CMIP: variants seen among roughly 807,000 people sequenced by gnomAD.
CMIP encodes c-Maf inducing protein.
A neutral mutation model predicts 97.3 loss-of-function variants in CMIP; 13 were observed. The ratio of observed to expected loss-of-function variants is 0.13; its 90% CI spans 0.09 to 0.21. CMIP has a LOEUF of 0.21. Ranked by LOEUF, CMIP falls within the 10% of genes least tolerant of loss-of-function variation. CMIP has a pLI of 1.00. For missense variants in CMIP, 847 were observed against 1,024.9 expected (o/e 0.83, Z 2.37); for synonymous variants, 538 against 436.3 (o/e 1.23, Z -2.91).
chr16:81,535,930 C>G (rs559371918), intron 1 of CMIP, among the ~76,000 whole-genome samples: 1 of 152,274 alleles, frequency 6.6e-6, no homozygotes, highest in African/African-American at 2.4e-5. Flanking sequence ...GACTTCAAGG[C>G]GAGAGCATCT....
At chr16:81,675,864 C>T (rs1235759200) in intron 9 of CMIP, among the ~76,000 whole-genome samples, 4 of 152,140 alleles carry the variant, frequency 2.6e-5, no homozygotes, top group South Asian at 4.1e-4. Flanking sequence ...AGGTCTGGGG[C>T]GGGGCCTGAG....
chr16:81,592,426 G>A (rs78712899), intron 1 of CMIP, among the ~76,000 whole-genome samples: 2,358 of 152,266 alleles, frequency 0.015, 54 homozygotes, highest in African/African-American at 0.054. Flanking sequence ...CTTGACAGCC[G>A]GCTCAAAGGC....
intron 3 of CMIP, chr16:81,631,011 C>T (rs2092150657): frequency 6.6e-6 from 1 of 152,374 alleles, no homozygotes; most frequent in South Asian, 2.1e-4. Context: ...TCCAGCATCT[C>T]CCAGCCACAG....
chr16:81,660,097 C>G (rs775570260), intron 5 of CMIP, among the ~76,000 whole-genome samples: 4 of 151,976 alleles, frequency 2.6e-5, no homozygotes, highest in Admixed American at 6.6e-5. Context: ...ACCAGGAGTC[C>G]AAACCCCAGC....
chr16:81,593,853 GCA>G (rs1433203869), intron 1 of CMIP, among the ~76,000 whole-genome samples: 2 of 152,136 alleles, frequency 1.3e-5, no homozygotes, highest in African/African-American at 2.4e-5. Context: ...CCTGTGCTGA[GCA>G]CGCCACATGC....
chr16:81,577,628 A>G (rs971954821), intron 1 of CMIP, among the ~76,000 whole-genome samples: 1 of 150,330 alleles, frequency 6.7e-6, no homozygotes, highest in African/African-American at 2.5e-5. Flanking sequence ...CACTATCACC[A>G]TCACCACCAT....
intron 1 of CMIP, among the ~76,000 whole-genome samples, chr16:81,559,316 G>A (rs2150869661): frequency 6.6e-6 from 1 of 152,334 alleles, no homozygotes; most frequent in African/African-American, 2.4e-5. Flanking sequence ...AGCATCAGTG[G>A]TCACTTATTT....
chr16:81,674,534 G>C (rs1370952522), intron 9 of CMIP, among the ~76,000 whole-genome samples: 1 of 152,206 alleles, frequency 6.6e-6, no homozygotes, highest in East Asian at 1.9e-4. Context: ...TTGATAGCTT[G>C]AAGTAGCTGT....
chr16:81,566,072 C>T (rs759041126), intron 1 of CMIP, among the ~76,000 whole-genome samples: 7 of 152,210 alleles, frequency 4.6e-5, no homozygotes, highest in East Asian at 1.9e-4. Flanking sequence ...ACCTGGGAGA[C>T]GTTGACTGTC....
At chr16:81,589,783 T>C (rs2091439215) in intron 1 of CMIP, among the ~76,000 whole-genome samples, 1 of 152,262 alleles carries the variant, frequency 6.6e-6, no homozygotes, top group Non-Finnish European at 1.5e-5. Context: ...TAGCCTTCTC[T>C]CTGTCCCTTC....
rs561329930 is a variant in CMIP at position 81,614,936 on chromosome 16, G to T, written c.427-5940G>T. Among the ~76,000 whole-genome samples the T allele has an allele frequency of 6.6e-6, 1 of 151,578 alleles. No individual in the cohort carries two copies. The highest frequency in any genetic ancestry group is 1.9e-4 in the East Asian group (1 of 5,152). ...TGGTGTGCATAGTGTGTATCTCTGT[G>T]TGTGGTGTGTGCATGTGTGTGGTGT... On this transcript the variant is annotated intron_variant, in intron 2 of 20. Coordinates refer to ENST00000537098, the MANE Select transcript of CMIP (RefSeq NM_198390.3). The surrounding 1 kb of genome is among the most constrained non-coding windows in gnomAD (Gnocchi z 5.3).
intron 9 of CMIP, among the ~76,000 whole-genome samples, chr16:81,677,099 C>A (rs1185560403): frequency 1.3e-5 from 2 of 152,138 alleles, no homozygotes; most frequent in Admixed American, 1.3e-4. Context: ...CCAGGGGATC[C>A]TGGTGTCCCG....
Position 81,627,770 on chromosome 16 carries a change from C to T in CMIP, c.477+6844C>T, listed in dbSNP as rs767417463. 1.3e-5 allele frequency among the ~76,000 whole-genome samples: 2 copies of T among 152,154 alleles called. No individual in the cohort carries two copies. The highest frequency in any genetic ancestry group is 2.1e-4 in the South Asian group (1 of 4,828). ...CGTGCCAAAGCCAGATGCCTCCCAG[C>T]GAGGGTCACAATCTCGCTTCCACCT... On this transcript the variant is annotated intron_variant, in intron 3 of 20. Transcript: ENST00000537098. The surrounding 1 kb of genome is among the most constrained non-coding windows in gnomAD (Gnocchi z 4.6).
At chr16:81,658,754 C>A (rs145307675) in intron 5 of CMIP, among the ~76,000 whole-genome samples, 335 of 152,358 alleles carry the variant, frequency 2.2e-3, no homozygotes, top group Non-Finnish European at 3.9e-3. Context: ...AAGCAAGAGG[C>A]AGAGCCTTTT....
chr16:81,514,119 A>G (rs1402210545), intron 1 of CMIP, among the ~76,000 whole-genome samples: 1 of 152,258 alleles, frequency 6.6e-6, no homozygotes, highest in Non-Finnish European at 1.5e-5. Flanking sequence ...TTGTTTATGG[A>G]GACTGACTTC....
intron 1 of CMIP, among the ~76,000 whole-genome samples, chr16:81,500,063 T>TC (rs1190673083): frequency 2.0e-5 from 3 of 152,070 alleles, no homozygotes; most frequent in Non-Finnish European, 2.9e-5. Flanking sequence ...CAATCGGCCT[T>TC]CTTCAGCCAC....
chr16:81,676,893 C>T (rs900888790), intron 9 of CMIP, among the ~76,000 whole-genome samples: 1 of 152,170 alleles, frequency 6.6e-6, no homozygotes, highest in African/African-American at 2.4e-5. Flanking sequence ...CCTTTAGAGG[C>T]ACAGGACCCA....
chr16:81,676,690 T>C (rs1022581501), intron 9 of CMIP, among the ~76,000 whole-genome samples: 4 of 152,210 alleles, frequency 2.6e-5, no homozygotes, highest in African/African-American at 9.6e-5. Flanking sequence ...TAAACACCCT[T>C]GGTGGGCTCA....
chr16:81,472,759 C>T (rs746165410), intron 1 of CMIP, among the ~76,000 whole-genome samples: 117 of 152,130 alleles, frequency 7.7e-4, no homozygotes, highest in Non-Finnish European at 1.4e-3. Flanking sequence ...GTGGAGAGGC[C>T]GTTGGGATGG....
Sources: gnomAD v4.1 joint callset for allele counts (sites outside exome capture counted in the v4.1 genomes callset) on GRCh38, gnomAD v4.1.1 for gene constraint, Gnocchi (gnomAD v3.1) non-coding constraint, MANE v1.5 for transcripts, NCBI Gene and HGNC (gene_info 2026-07-23, HGNC 2026-07-21) for gene names.